The following MCF2L variants were observed in gnomAD, a reference collection of about 807,000 sequenced individuals.
The protein encoded by MCF2L is guanine nucleotide exchange factor DBS.
MCF2L carries 97 observed loss-of-function variants against 153.4 expected under a neutral mutation model. The ratio of observed to expected loss-of-function variants is 0.63; its 90% confidence interval spans 0.54 to 0.75. The LOEUF (loss-of-function observed/expected upper bound fraction) is 0.75, where lower values mean the gene tolerates loss of function less well. MCF2L is among the 30% of genes least tolerant of loss of function. The pLI is 0.00. For synonymous variants in MCF2L, 659 were observed against 632.2 expected (o/e 1.04, Z -0.64); for missense variants, 1,347 against 1,495.2 (o/e 0.90, Z 1.64).
In MCF2L at chr13:113,094,592, C is replaced by T. The variant is rs377031449; in HGVS notation, c.3032C>T (p.Ser1011Leu). The T allele has an allele frequency of 4.5e-5, 73 of 1,612,376 alleles. No individual in the cohort carries two copies. The East Asian group carries it at 7.8e-4, about 17-fold the overall frequency. ...GWSSAEEQIN[S>L]SDAEEDGGLG... ...TCAAGTGCAGAGGAGCAGATTAACT[C>T]GTCCGACGCAGAGGAGGACGGCGGG... Residue 1011 changes from serine to leucine, a missense_variant, in exon 27 of 30, where the codon TCG becomes TTG. Physicochemically the swap from Ser to Leu is moderately radical, Grantham distance 145 (BLOSUM62 -2). Coordinates refer to ENST00000535094, the MANE Select transcript of MCF2L (RefSeq NM_001112732.3).
rs565479278 is a variant in MCF2L at position 113,071,055 on chromosome 13, G to A, written c.996+882G>A. ...GTTGCTTCCCCTTTCCCCAGCACGT[G>A]GTGGGGTAGTGATTCTTCATATTAT... On this transcript the variant is annotated intron_variant, in intron 9 of 29. Coordinates refer to ENST00000535094, the MANE Select transcript of MCF2L (RefSeq NM_001112732.3). Among the ~76,000 whole-genome samples the A allele has an allele frequency of 3.9e-5, 6 of 152,066 alleles. No homozygotes were observed. In the South Asian group the frequency reaches 1.2e-3, roughly 32 times the overall value.
Position 113,075,131 on chromosome 13 carries a change from T to A in MCF2L, c.1250T>A (p.Ile417Asn), listed in dbSNP as rs577649571. 1.9e-6 allele frequency: 3 copies of A among 1,612,882 alleles called. No homozygotes were observed. The South Asian group carries it at 3.3e-5, about 18-fold the overall frequency. ...RHLCDQFSAE[I>N]ARRRGLLSKS... ...CTCTGTGACCAGTTCTCTGCGGAGA[T>A]CGCAAGGAGGAGGGGGCTGCTCAGC... Residue 417 changes from isoleucine (I) to asparagine (N), a missense_variant, in exon 11 of 30, where the codon ATC (isoleucine) becomes AAC (asparagine). Around this residue, in one of 3 missense-constraint regions of MCF2L, gnomAD observed 820 missense variants for 921.2 expected, o/e 0.89. Transcript: ENST00000535094.
At chr13:113,095,373 C>A (rs776289209) in intron 27 of MCF2L, 3 of 1,128,276 alleles carry the variant, frequency 2.7e-6, no homozygotes, top group Non-Finnish European at 3.3e-6. Flanking sequence ...ACAGAGACAG[C>A]ATGAAGGAAG....
rs891979951 is a variant in MCF2L at position 113,046,705 on chromosome 13, C to T, written c.369+1344C>T. 2 of 524,526 alleles carry T rather than the reference C, an allele frequency of 3.8e-6. No individual in the cohort carries two copies. The highest frequency in any genetic ancestry group is 3.9e-5 in the African/African-American group (2 of 51,550). 32.5% of individuals were successfully genotyped at this position (524,526 alleles called of 1,614,324 possible). ...CGAAGTCTTTAGGATGAGGCATCTCCTTGCACCCCCACGGCACCTCTCTGC... is the reference window on the plus strand; with the variant it reads ...CGAAGTCTTTAGGATGAGGCATCTCTTTGCACCCCCACGGCACCTCTCTGC... On this transcript the variant is annotated intron_variant, in intron 4 of 29. Transcript: ENST00000535094. This position sits in a 1 kb window ranked among gnomAD's most constrained non-coding sequence, Gnocchi z 4.4.
At chr13:112,998,808 C>T (rs1410439651) in intron 1 of MCF2L, among the ~76,000 whole-genome samples, 1 of 152,158 alleles carries the variant, frequency 6.6e-6, no homozygotes, top group Non-Finnish European at 1.5e-5. Context: ...TGGACAGAAA[C>T]CAGCCTGAGG....
At chr13:112,937,633 A>C (rs1320518) in intron 2 of MCF2L, among the ~76,000 whole-genome samples, 151,688 of 152,352 alleles carry the variant, frequency 1, 75,520 homozygotes, top group Middle Eastern at 1. Flanking sequence ...CATTCAGGTC[A>C]ATTTATGCAC....
At chr13:113,075,617 G>A (rs2033389730) in intron 11 of MCF2L, among the ~76,000 whole-genome samples, 1 of 152,120 alleles carries the variant, frequency 6.6e-6, no homozygotes, top group South Asian at 2.1e-4. Flanking sequence ...TTACAGGCGT[G>A]AGCCACCCTG....
Position 113,087,323 on chromosome 13 carries a change from A to C in MCF2L, c.2462A>C (p.Glu821Ala). The C allele has an allele frequency of 6.2e-7, 1 of 1,613,372 alleles. No individual in the cohort carries two copies. The highest frequency in any genetic ancestry group is 8.5e-7 in the Non-Finnish European group (1 of 1,180,026). Reference protein sequence around the residue: ...DHKRGHTKVKELARFKPMQRH... With the variant: ...DHKRGHTKVKALARFKPMQRH... ...AAGAGGGGCCACACCAAGGTGAAGG[A>C]GCTGGCCAGGTTCAAGCCCATGCAG... Residue 821 changes from glutamate (E) to alanine (A), a missense_variant, in exon 22 of 30, where the codon GAG becomes GCG. Glu to Ala is a moderately radical substitution (Grantham distance 107). Coordinates refer to ENST00000535094, the MANE Select transcript of MCF2L (RefSeq NM_001112732.3).
rs145119738 is a variant in MCF2L at position 113,078,393 on chromosome 13, C to T, written c.1691C>T (p.Ser564Phe). Residue 564 changes from serine (S) to phenylalanine (F), a missense_variant, in exon 14 of 30, where the codon TCC becomes TTC. Ser to Phe is a radical substitution (Grantham distance 155). Coordinates refer to ENST00000535094, the MANE Select transcript of MCF2L (RefSeq NM_001112732.3). ...CGGCGAGGCTCTGAGAACTCCAGCTCCGAGGGCGGTGCGCTCCGGAGAGGG... is the reference window on the plus strand; with the variant it reads ...CGGCGAGGCTCTGAGAACTCCAGCTTCGAGGGCGGTGCGCTCCGGAGAGGG... ...GIRRGSENSS[S>F]EGGALRRGPY... The T allele has an allele frequency of 1.1e-3, 1,705 of 1,613,310 alleles. 6 individuals are homozygous for T. Among genetic ancestry groups the T allele is most frequent in the Non-Finnish European group, 1.3e-3 (1,487 of 1,179,946 alleles).
chr13:112,906,970 C>T (rs545311542), intron 2 of MCF2L, among the ~76,000 whole-genome samples: 1 of 152,330 alleles, frequency 6.6e-6, no homozygotes, highest in South Asian at 2.1e-4. Context: ...AAGACAATCC[C>T]TGACTTGGGC....
intron 1 of MCF2L, among the ~76,000 whole-genome samples, chr13:112,899,352 C>T (rs897888013): frequency 3.9e-5 from 6 of 152,192 alleles, no homozygotes; most frequent in East Asian, 3.9e-4. Context: ...GGAAAGCAGA[C>T]GCTCCAAGGG....
At chr13:113,043,322 T>G (rs560859845) in intron 3 of MCF2L, 1 of 152,246 alleles carries the variant, frequency 6.6e-6, no homozygotes, top group Non-Finnish European at 1.5e-5. Flanking sequence ...TTCGCTGGCC[T>G]GAGGATTACG....
In MCF2L at chr13:113,076,868, G is replaced by A. The variant is rs547928327; in HGVS notation, c.1501-184G>A. Among the ~76,000 whole-genome samples the A allele has an allele frequency of 7.2e-5, 11 of 152,374 alleles. No individual in the cohort carries two copies. The East Asian group carries it at 1.9e-3, about 27-fold the overall frequency. On this transcript the variant is annotated intron_variant, in intron 12 of 29. Coordinates refer to ENST00000535094, the MANE Select transcript of MCF2L (RefSeq NM_001112732.3). The stretch of plus-strand genomic sequence containing the variant: ...GGCCGGGGCCCCGTCCCGTGTGGGG[G>A]CTGCATCCCCCTCTCCGTCCGTAGT...
chr13:113,061,169 A>T (rs9549648), intron 5 of MCF2L, among the ~76,000 whole-genome samples: 61,251 of 151,954 alleles, frequency 0.4, 12,577 homozygotes, highest in Middle Eastern at 0.48. Context: ...CACTGCTGAC[A>T]GGGATGGGCC....
At chr13:112,934,329 TG>T (rs1276956815) in intron 2 of MCF2L, among the ~76,000 whole-genome samples, 4 of 152,350 alleles carry the variant, frequency 2.6e-5, no homozygotes, top group African/African-American at 9.6e-5. Context: ...TAGAGGGACC[TG>T]CCCTGAGCCA....
At chr13:113,075,555 G>A (rs1282908703) in intron 11 of MCF2L, among the ~76,000 whole-genome samples, 6 of 151,926 alleles carry the variant, frequency 3.9e-5, no homozygotes, top group Non-Finnish European at 5.9e-5. Flanking sequence ...GGCTGGTCTC[G>A]AACTCCTGGG....
intron 1 of MCF2L, among the ~76,000 whole-genome samples, chr13:112,986,573 G>A (rs1302801095): frequency 6.6e-5 from 10 of 152,238 alleles, no homozygotes; most frequent in Non-Finnish European, 7.3e-5. Flanking sequence ...ACCACGGGGT[G>A]TCTCTGAGGA....
At chr13:112,897,415 A>T (rs1369081837) in intron 1 of MCF2L, among the ~76,000 whole-genome samples, 12 of 152,170 alleles carry the variant, frequency 7.9e-5, no homozygotes, top group Non-Finnish European at 2.9e-5. Context: ...CTCCCCAGCC[A>T]TGCCTGGGAT....
chr13:113,094,518 G>C lies in MCF2L; in HGVS notation c.2958G>C (p.Trp986Cys), dbSNP rs760048466. 2 of 1,611,262 alleles carry C rather than the reference G, an allele frequency of 1.2e-6. No homozygotes were observed. The highest frequency in any genetic ancestry group is 1.1e-5 in the South Asian group (1 of 90,842). Residue 986 changes from tryptophan (W) to cysteine (C), a missense_variant, in exon 27 of 30, where the codon TGG (tryptophan) becomes TGC (cysteine). Transcript: ENST00000535094. ...ACGGGTGTCTGTCTCTCTTAGGTTGGAGCAAAACGTCCCACTCACTGGAGG... is the reference window on the plus strand; with the variant it reads ...ACGGGTGTCTGTCTCTCTTAGGTTGCAGCAAAACGTCCCACTCACTGGAGG... Reference protein sequence around the residue: ...LTKPPEKGKGWSKTSHSLEAP... With the variant: ...LTKPPEKGKGCSKTSHSLEAP...
Sources: gnomAD v4.1 joint callset for allele counts (sites outside exome capture counted in the v4.1 genomes callset) on GRCh38, gnomAD v4.1.1 for gene constraint, gnomAD v4.1.1 regional missense constraint, Gnocchi (gnomAD v3.1) non-coding constraint, MANE v1.5 for transcripts, NCBI Gene and HGNC (gene_info 2026-07-23, HGNC 2026-07-21) for gene names.